WSCD2: variants seen among roughly 807,000 people sequenced by gnomAD.
WSCD2 encodes WSC domain sialate O sulfotransferase 2.
Under a neutral mutation model 55.7 loss-of-function variants are expected in WSCD2, and 28 were observed. The observed-to-expected ratio is 0.50, with a 90% CI of 0.37 to 0.69. The LOEUF (loss-of-function observed/expected upper bound fraction) is 0.69, where lower values mean the gene tolerates loss of function less well. WSCD2 is among the 30% of genes least tolerant of loss of function. The pLI, the probability that WSCD2 is intolerant of heterozygous loss-of-function variation, is 0.00. For missense variants in WSCD2, 616 were observed against 762.1 expected, an observed-to-expected ratio of 0.81 and a Z score of 2.26; for synonymous variants, 301 against 301.9, an observed-to-expected ratio of 1.00 and a Z score of 0.03.
chr12:108,147,358 G>T (rs1422607764), intron 1 of WSCD2, among the ~76,000 whole-genome samples: 2 of 152,208 alleles, frequency 1.3e-5, no homozygotes, highest in African/African-American at 4.8e-5. Context: ...TCATGTCATG[G>T]TAGGCCTTTG....
chr12:108,214,288 T>C (rs947842150), intron 4 of WSCD2, among the ~76,000 whole-genome samples: 5 of 152,234 alleles, frequency 3.3e-5, no homozygotes, highest in African/African-American at 1.2e-4. Flanking sequence ...TGGTGGGGCA[T>C]CTGCCTCGCA....
At chr12:108,153,100 C>CACAAACAAACAAACAAACAA (rs1565920079) in intron 1 of WSCD2, among the ~76,000 whole-genome samples, 2 of 61,458 alleles carry the variant, frequency 3.3e-5, no homozygotes, top group Admixed American at 1.9e-4. Flanking sequence ...GAGACTCTGT[C>CACAAACAAACAAACAAACAA]TCAAACAAAC....
chr12:108,218,226 G>A (rs904180089), intron 4 of WSCD2, among the ~76,000 whole-genome samples: 10 of 152,234 alleles, frequency 6.6e-5, no homozygotes, highest in African/African-American at 2.4e-4. Context: ...AGACAAAGAA[G>A]GGCAGAGGTG....
intron 1 of WSCD2, among the ~76,000 whole-genome samples, chr12:108,180,609 C>A (rs943047643): frequency 2.0e-5 from 3 of 152,186 alleles, no homozygotes; most frequent in African/African-American, 7.2e-5. Flanking sequence ...TTTTACTAAG[C>A]AAGAGCCAGA....
At chr12:108,228,043 T>G (rs1888333052) in intron 6 of WSCD2, among the ~76,000 whole-genome samples, 1 of 151,850 alleles carries the variant, frequency 6.6e-6, no homozygotes, top group South Asian at 2.1e-4. Context: ...CATTATGCCC[T>G]CTTTACTGTG....
rs192498054 is a variant in WSCD2 at position 108,199,868 on chromosome 12, C to T, written c.382+3654C>T. The stretch of plus-strand genomic sequence containing the variant: ...CACCTGAACCTTAAGCACTACATCA[C>T]GTCACTTCTCAGTGTACAGAAAGTA... On this transcript the variant is annotated intron_variant, in intron 2 of 8. Transcript: ENST00000547525. Among the ~76,000 whole-genome samples the T allele has an allele frequency of 3.8e-3, 576 of 152,286 alleles. 1 individual carries two copies. Among genetic ancestry groups the T allele is most frequent in the Admixed American group, 8.7e-3 (133 of 15,302 alleles).
chr12:108,248,926 A>C lies in WSCD2; in HGVS notation c.*583A>C. 1.0e-6 allele frequency: 1 copy of C among 987,056 alleles called. No homozygotes were observed. Among genetic ancestry groups the C allele is most frequent in the Non-Finnish European group, 1.2e-6 (1 of 830,710 alleles). The allele number at this position is 987,056 out of a possible 1,614,324, so 61.1% of individuals were successfully genotyped here. ...GACATCCTGGATAGTGTGGGGAGGT[A>C]ATGGTGCTCACAGTAGGTTAATTGG... is the stretch of plus-strand genomic sequence containing the variant. On this transcript the variant is annotated 3_prime_UTR_variant, in exon 9 of 9. Coordinates refer to ENST00000547525, the MANE Select transcript of WSCD2 (RefSeq NM_014653.4). This position sits in a 1 kb window ranked among gnomAD's most constrained non-coding sequence, Gnocchi z 4.3.
chr12:108,214,058 C>A (rs143161334), intron 4 of WSCD2, among the ~76,000 whole-genome samples: 120 of 152,320 alleles, frequency 7.9e-4, no homozygotes, highest in Non-Finnish European at 1.5e-3. Flanking sequence ...GAAAGGGATG[C>A]CTTCCAAGTC....
rs1890290195 is a variant in WSCD2, at chr12:108,249,202, A to G, written c.*859A>G. The G allele has an allele frequency of 6.5e-6, 1 of 152,748 alleles. No individual in the cohort carries two copies. Among genetic ancestry groups the G allele is most frequent in the South Asian group, 2.1e-4 (1 of 4,834 alleles). The allele number at this position is 152,748 out of a possible 1,614,324, so 9.5% of individuals were successfully genotyped here. On this transcript the variant is annotated 3_prime_UTR_variant, in exon 9 of 9. Coordinates refer to ENST00000547525, the MANE Select transcript of WSCD2 (RefSeq NM_014653.4). ...GAGAGCCCCAGTGACACATCTCTCC[A>G]TGGTGGGCTCCAGTCAGTCTTACAC...
intron 1 of WSCD2, among the ~76,000 whole-genome samples, chr12:108,169,000 T>C (rs1447433047): frequency 6.6e-6 from 1 of 152,224 alleles, no homozygotes. Context: ...ATTGCTCACA[T>C]TACTGCCTGA....
intron 7 of WSCD2, among the ~76,000 whole-genome samples, chr12:108,234,013 T>C (rs774569271): frequency 4.5e-4 from 69 of 152,234 alleles, no homozygotes; most frequent in Admixed American, 1.8e-3. Context: ...TAAGAGTACG[T>C]ACCTCATGAG....
In WSCD2 at chr12:108,221,992, T is replaced by C. The variant is rs78365312; in HGVS notation, c.683-2747T>C. Among the ~76,000 whole-genome samples, 955 of 152,314 alleles carry C rather than the reference T, an allele frequency of 6.3e-3. 3 individuals are homozygous for C. The highest frequency in any genetic ancestry group is 0.011 in the Admixed American group (176 of 15,306). ...ATTTAACCAAATTCCTAATGTCCTC[T>C]TAGTTTTCTTGGCTTGTCACTGCAA... On this transcript the variant is annotated intron_variant, in intron 4 of 8. Transcript: ENST00000547525.
At chr12:108,214,546 G>T (rs1295762149) in intron 4 of WSCD2, among the ~76,000 whole-genome samples, 1 of 152,176 alleles carries the variant, frequency 6.6e-6, no homozygotes, top group East Asian at 1.9e-4. Flanking sequence ...TCCTCCCAGG[G>T]ATAGAGACCT....
chr12:108,166,441 C>T (rs1879601277), intron 1 of WSCD2, among the ~76,000 whole-genome samples: 1 of 152,200 alleles, frequency 6.6e-6, no homozygotes, highest in South Asian at 2.1e-4. Context: ...CTGTTGGCTT[C>T]AGCAAAGTTC....
At chr12:108,157,992 C>G (rs1422761707) in intron 1 of WSCD2, among the ~76,000 whole-genome samples, 1 of 152,060 alleles carries the variant, frequency 6.6e-6, no homozygotes, top group Non-Finnish European at 1.5e-5. Context: ...ACACAAACAC[C>G]CAGCCACTAC....
chr12:108,182,650 G>A (rs1881939213), intron 1 of WSCD2, among the ~76,000 whole-genome samples: 1 of 152,200 alleles, frequency 6.6e-6, no homozygotes, highest in South Asian at 2.1e-4. Context: ...GCAGGTAGAG[G>A]AGTAGTCAAT....
intron 6 of WSCD2, among the ~76,000 whole-genome samples, chr12:108,227,931 T>C (rs1340842012): frequency 1.1e-4 from 17 of 152,076 alleles, no homozygotes; most frequent in Non-Finnish European, 2.5e-4. Context: ...GCAGCAACAC[T>C]TGGAGTTTCT....
chr12:108,227,270 C>T lies in WSCD2; in HGVS notation c.979+106C>T, dbSNP rs1469188811. 6 of 1,354,040 alleles carry T rather than the reference C, an allele frequency of 4.4e-6. No individual in the cohort carries two copies. The East Asian group carries it at 1.2e-4, about 27-fold the overall frequency. 83.9% of individuals were successfully genotyped at this position (1,354,040 alleles called of 1,614,324 possible). ...CACACAGCCTGCAGCAAGGAGAAAA[C>T]CATGCAAGCCAGAGGGCAGGGCTGA... On this transcript the variant is annotated intron_variant, in intron 6 of 8. Transcript: ENST00000547525.
chr12:108,183,349 A>G (rs1259771755), intron 1 of WSCD2, among the ~76,000 whole-genome samples: 1 of 152,202 alleles, frequency 6.6e-6, no homozygotes, highest in East Asian at 1.9e-4. Flanking sequence ...GCCATGTGTT[A>G]TAAATGGGTA....
Sources: gnomAD v4.1 joint callset for allele counts (sites outside exome capture counted in the v4.1 genomes callset) on GRCh38, gnomAD v4.1.1 for gene constraint, Gnocchi (gnomAD v3.1) non-coding constraint, MANE v1.5 for transcripts, NCBI Gene and HGNC (gene_info 2026-07-23, HGNC 2026-07-21) for gene names.